Variants in DDX11 observed in about 807,000 individuals in gnomAD.
DDX11 encodes ATP-dependent DNA helicase DDX11.
Under a neutral mutation model 125.2 loss-of-function variants are expected in DDX11, and 72 were observed. The observed-to-expected ratio is 0.58, with a 90% CI of 0.48 to 0.70. DDX11 has a LOEUF of 0.70. DDX11 is among the 30% of genes least tolerant of loss of function. DDX11 has a pLI of 0.00. For missense variants in DDX11, 883 were observed against 1,165.0 expected, an observed-to-expected ratio of 0.76 and a Z score of 3.52; for synonymous variants, 347 against 452.6, an observed-to-expected ratio of 0.77 and a Z score of 2.96.
chr12:31,092,933 T>C (rs1481987561), intron 11 of DDX11, 41 bp downstream of exon 11: 2 of 1,612,514 alleles, frequency 1.2e-6, no homozygotes, highest in Non-Finnish European at 8.5e-7. Context: ...AGTCCCTTGG[T>C]GGCCCCCTGC....
At chr12:31,101,613 G>A in intron 20 of DDX11, 1 of 604,306 alleles carries the variant, frequency 1.7e-6, no homozygotes, top group Non-Finnish European at 3.0e-6. Context: ...TGTGACATGT[G>A]TCAGAAAGGC....
intron 17 of DDX11, among the ~76,000 whole-genome samples, 181 bp downstream of exon 17, chr12:31,097,171 T>C (rs1417767402): frequency 6.9e-6 from 1 of 145,796 alleles, no homozygotes; most frequent in Non-Finnish European, 1.5e-5. Context: ...TGGGAGGAGA[T>C]CGAAGGGCTG....
intron 18 of DDX11, among the ~76,000 whole-genome samples, chr12:31,098,290 C>T (rs182262154): frequency 2.7e-4 from 41 of 152,356 alleles, no homozygotes; most frequent in Admixed American, 1.8e-3. Context: ...ATCATGATTC[C>T]ACTTTTAAAA....
chr12:31,083,312 T>TTAAA (rs1555209754), intron 2 of DDX11, among the ~76,000 whole-genome samples: 2,869 of 128,886 alleles, frequency 0.022, 44 homozygotes, highest in Non-Finnish European at 0.029. Context: ...TTAGTTTGCT[T>TTAAA]AAAAAAAAAA....
At chr12:31,087,134 T>G (rs967475093) in intron 5 of DDX11, among the ~76,000 whole-genome samples, 17 of 149,910 alleles carry the variant, frequency 1.1e-4, no homozygotes, top group Non-Finnish European at 2.4e-4. Flanking sequence ...CTGGCTTCCC[T>G]GCCAACGCCT....
chr12:31,089,247 G>A (rs1288147888), intron 7 of DDX11, 96 bp downstream of exon 7: 1 of 1,386,586 alleles, frequency 7.2e-7, no homozygotes, highest in Non-Finnish European at 1.0e-6. Flanking sequence ...CTGGGTCTGT[G>A]ACAGGCTGAA....
chr12:31,102,842 T>G, intron 23 of DDX11, 94 bp from the exon 24 acceptor site: 2 of 1,070,082 alleles, frequency 1.9e-6, no homozygotes, highest in South Asian at 2.6e-5. Flanking sequence ...TCGGAGAGGC[T>G]GAGGGAAGGG....
chr12:31,089,570 G>A (rs1397226465), intron 8 of DDX11, 80 bp downstream of exon 8: 6 of 1,460,086 alleles, frequency 4.1e-6, no homozygotes, highest in South Asian at 2.3e-5. Context: ...AGACCATTAA[G>A]TGTCTTTCAT....
At chr12:31,100,273 T>G (rs1359171171) in intron 18 of DDX11, 1 of 227,470 alleles carries the variant, frequency 4.4e-6, no homozygotes, top group Non-Finnish European at 8.7e-6. Flanking sequence ...TGGTTACTTT[T>G]GGATTTTTGC....
chr12:31,078,110 A>T (rs1941055360), intron 1 of DDX11: 12 of 1,057,384 alleles, frequency 1.1e-5, no homozygotes. Context: ...TTAGAAAGGT[A>T]TCGGAGCCAC....
chr12:31,092,767 ATCT>A, intron 10 of DDX11, 76 bp from the exon 11 acceptor site: 1 of 1,468,354 alleles, frequency 6.8e-7, no homozygotes, highest in Non-Finnish European at 9.5e-7. Context: ...CAGGGCCAGC[ATCT>A]TCTAGGTGAA....
chr12:31,096,692 A>T lies in DDX11; in HGVS notation c.1577A>T (p.Lys526Ile), dbSNP rs756309950. Reference sequence around the variant, plus strand: ...GTGTTCTCATCCCGGGAGCAGCCCAAACTGGCTGGGTTTCAGCAATTCCTG... The same window carrying T: ...GTGTTCTCATCCCGGGAGCAGCCCATACTGGCTGGGTTTCAGCAATTCCTG... ...GAVFSSREQPKLAGFQQFLQS... is the reference protein window; with the variant it reads ...GAVFSSREQPILAGFQQFLQS... The change falls in exon 16 of 27, where the codon AAA becomes ATA. Residue 526 changes from lysine to isoleucine, a missense_variant. This residue lies in a region of DDX11 where 241 missense variants were observed against 279.7 expected (regional missense o/e 0.86). Coordinates refer to ENST00000542838, the MANE Select transcript of DDX11 (RefSeq NM_030653.4). 14 of 1,613,930 alleles carry T rather than the reference A, an allele frequency of 8.7e-6. No individual in the cohort carries two copies. Among genetic ancestry groups the T allele is most frequent in the Admixed American group, 5.0e-5 (3 of 59,978 alleles).
chr12:31,077,706 T>TG (rs1194079489), intron 1 of DDX11, among the ~76,000 whole-genome samples: 2 of 151,128 alleles, frequency 1.3e-5, no homozygotes, highest in African/African-American at 4.9e-5. Flanking sequence ...TAGCTGGGCG[T>TG]GGTGGCGGGC....
At chr12:31,093,876 TG>T (rs1565897950) in intron 12 of DDX11, among the ~76,000 whole-genome samples, 1 of 148,512 alleles carries the variant, frequency 6.7e-6, no homozygotes, top group African/African-American at 2.5e-5. Flanking sequence ...GGCCCTGCTC[TG>T]GGGGGATATT....
intron 20 of DDX11, 28 bp downstream of exon 20, chr12:31,101,158 C>T: frequency 6.3e-7 from 1 of 1,599,204 alleles, no homozygotes; most frequent in Non-Finnish European, 8.6e-7. Context: ...CGCCGCACCA[C>T]AGCCTGGCCT....
chr12:31,097,341 G>A (rs1945443375), intron 17 of DDX11, among the ~76,000 whole-genome samples: 2 of 152,058 alleles, frequency 1.3e-5, no homozygotes, highest in Admixed American at 6.6e-5. Context: ...TGAGCCTTGT[G>A]ATTTGGACTA....
chr12:31,088,806 C>T (rs1378429924), intron 6 of DDX11, among the ~76,000 whole-genome samples: 2 of 152,334 alleles, frequency 1.3e-5, no homozygotes, highest in East Asian at 1.9e-4. Context: ...GGATATGACT[C>T]GTGGAAGGAG....
At chr12:31,096,795 A>G in intron 16 of DDX11, 50 bp downstream of exon 16, 1 of 1,614,158 alleles carries the variant, frequency 6.2e-7, no homozygotes, top group Non-Finnish European at 8.5e-7. Flanking sequence ...ATGGGCAAGG[A>G]CTTCTGTTCC....
In DDX11 at chr12:31,102,932, C is replaced by A; in HGVS notation, c.2373-4C>A. 1 of 1,613,940 alleles carries A rather than the reference C, an allele frequency of 6.2e-7. No individual in the cohort carries two copies. Among genetic ancestry groups the A allele is most frequent in the Non-Finnish European group, 8.5e-7 (1 of 1,179,836 alleles). On this transcript the variant is annotated splice_polypyrimidine_tract_variant and splice_region_variant and intron_variant, in intron 23 of 26. Transcript: ENST00000542838. ...CCTGCTGGGCTCTTGTCTCCCCCGC[C>A]CAGGTGTGTGGTGATGGTGGGCATG...
Sources: gnomAD v4.1 joint callset for allele counts (sites outside exome capture counted in the v4.1 genomes callset) on GRCh38, gnomAD v4.1.1 for gene constraint, gnomAD v4.1.1 regional missense constraint, MANE v1.5 for transcripts, NCBI Gene and HGNC (gene_info 2026-07-23, HGNC 2026-07-21) for gene names.